The following SHC3 variants were observed in gnomAD, a reference collection of about 807,000 sequenced individuals.
The protein encoded by SHC3 is SHC-transforming protein 3.
Under a neutral mutation model 60.4 loss-of-function variants are expected in SHC3, and 15 were observed. The ratio of observed to expected loss-of-function variants is 0.25; its 90% CI spans 0.17 to 0.38. The LOEUF (loss-of-function observed/expected upper bound fraction) is 0.38, where lower values mean the gene tolerates loss of function less well. SHC3 is among the 10% of genes least tolerant of loss of function. The pLI is 1.00. For missense variants in SHC3, 677 were observed against 786.1 expected (o/e 0.86, Z 1.66); for synonymous variants, 294 against 325.9 (o/e 0.90, Z 1.05).
At chr9:89,088,202 G>C (rs1031702236) in intron 2 of SHC3, among the ~76,000 whole-genome samples, 2 of 152,088 alleles carry the variant, frequency 1.3e-5, no homozygotes, top group Admixed American at 6.5e-5. Context: ...TCTTAACCCC[G>C]ACACTCCTTT....
At chr9:89,124,144 C>A (rs1191518728) in intron 1 of SHC3, among the ~76,000 whole-genome samples, 1 of 151,704 alleles carries the variant, frequency 6.6e-6, no homozygotes, top group East Asian at 1.9e-4. Context: ...AATGAGATAC[C>A]ATCTCATGCC....
chr9:89,100,574 A>G (rs975568805), intron 2 of SHC3, among the ~76,000 whole-genome samples: 2 of 152,164 alleles, frequency 1.3e-5, no homozygotes, highest in African/African-American at 4.8e-5. Flanking sequence ...CTATCATCAA[A>G]TCAAGAGATA....
chr9:89,070,339 C>G (rs1825250716), intron 5 of SHC3, among the ~76,000 whole-genome samples: 1 of 152,228 alleles, frequency 6.6e-6, no homozygotes, highest in African/African-American at 2.4e-5. Flanking sequence ...TCTTCCCTCT[C>G]CCTTCTGGAA....
intron 6 of SHC3, among the ~76,000 whole-genome samples, chr9:89,061,986 A>G (rs1476183698): frequency 6.6e-6 from 1 of 152,222 alleles, no homozygotes; most frequent in Non-Finnish European, 1.5e-5. Flanking sequence ...ACTACTATAT[A>G]GGAAACAACT....
chr9:89,127,316 C>A (rs1320155752), intron 1 of SHC3, among the ~76,000 whole-genome samples: 1 of 152,056 alleles, frequency 6.6e-6, no homozygotes, highest in Non-Finnish European at 1.5e-5. Context: ...AGTTCAAAAG[C>A]CAGAAATATT....
intron 2 of SHC3, among the ~76,000 whole-genome samples, chr9:89,096,526 G>A (rs1340015319): frequency 2.8e-4 from 42 of 152,212 alleles, no homozygotes; most frequent in Admixed American, 2.7e-3. Context: ...AAGGGCACGA[G>A]ATTTTTGTAT....
intron 2 of SHC3, among the ~76,000 whole-genome samples, chr9:89,104,460 A>ATTC (rs1825827959): frequency 6.6e-6 from 1 of 152,222 alleles, no homozygotes; most frequent in Non-Finnish European, 1.5e-5. Context: ...CCACTATTCT[A>ATTC]AAAAATGAAA....
At chr9:89,149,671 T>C (rs921764615) in intron 1 of SHC3, among the ~76,000 whole-genome samples, 8 of 152,254 alleles carry the variant, frequency 5.3e-5, no homozygotes, top group Admixed American at 2.6e-4. Flanking sequence ...TATTGAGGTA[T>C]AATTCACATG....
chr9:89,148,184 A>G (rs1480170372), intron 1 of SHC3, among the ~76,000 whole-genome samples: 7 of 152,122 alleles, frequency 4.6e-5, no homozygotes, highest in Non-Finnish European at 8.8e-5. Flanking sequence ...GAACTTGAAC[A>G]TTGTCTGATT....
At chr9:89,172,566 C>G (rs1028710859) in intron 1 of SHC3, among the ~76,000 whole-genome samples, 1 of 123,150 alleles carries the variant, frequency 8.1e-6, no homozygotes, top group African/African-American at 3.1e-5. Flanking sequence ...CACACAGACA[C>G]ACACACACAG....
At chr9:89,175,720 A>G (rs1025349288) in intron 1 of SHC3, among the ~76,000 whole-genome samples, 3 of 152,252 alleles carry the variant, frequency 2.0e-5, no homozygotes, top group African/African-American at 4.8e-5. Flanking sequence ...ATATTTTACT[A>G]TTGGTATCTA....
At chr9:89,049,998 C>T (rs945564334) in intron 7 of SHC3, among the ~76,000 whole-genome samples, 1 of 152,186 alleles carries the variant, frequency 6.6e-6, no homozygotes, top group African/African-American at 2.4e-5. Context: ...TTTAATTCGG[C>T]TGAAATTTTT....
chr9:89,156,407 G>A (rs971998888), intron 1 of SHC3, among the ~76,000 whole-genome samples: 7 of 152,090 alleles, frequency 4.6e-5, no homozygotes, highest in Non-Finnish European at 1.5e-5. Context: ...AAACATCATA[G>A]ATATGATTAA....
intron 1 of SHC3, among the ~76,000 whole-genome samples, chr9:89,116,880 C>A (rs77611942): frequency 0.018 from 2,722 of 152,128 alleles, 40 homozygotes; most frequent in Middle Eastern, 0.068. Context: ...AGCACAGAAT[C>A]AAGGAAATGC....
At chr9:89,089,140 A>G (rs1825580498) in intron 2 of SHC3, among the ~76,000 whole-genome samples, 1 of 152,154 alleles carries the variant, frequency 6.6e-6, no homozygotes, top group Admixed American at 6.5e-5. Context: ...TGTCCATTCC[A>G]GGGCAGTTCT....
intron 1 of SHC3, among the ~76,000 whole-genome samples, chr9:89,162,824 A>C (rs1826729600): frequency 1.3e-5 from 2 of 148,602 alleles, no homozygotes; most frequent in Admixed American, 1.3e-4. Context: ...AAATGGGAGA[A>C]AATTTTCGCA....
intron 1 of SHC3, among the ~76,000 whole-genome samples, chr9:89,148,385 C>T (rs1406891885): frequency 6.6e-6 from 1 of 152,192 alleles, no homozygotes; most frequent in Non-Finnish European, 1.5e-5. Context: ...TTATAACCTC[C>T]TGTGACTCTG....
chr9:89,111,230 G>T (rs1382375028), intron 2 of SHC3, among the ~76,000 whole-genome samples: 4 of 152,138 alleles, frequency 2.6e-5, no homozygotes, highest in Non-Finnish European at 4.4e-5. Context: ...CAGTAGGAAT[G>T]GTTGACAGTT....
chr9:89,153,964 A>T (rs1826584742), intron 1 of SHC3, among the ~76,000 whole-genome samples: 1 of 152,096 alleles, frequency 6.6e-6, no homozygotes, highest in South Asian at 2.1e-4. Context: ...CGACCTTATA[A>T]ACAGAGTGCT....
Sources: gnomAD v4.1 joint callset for allele counts (sites outside exome capture counted in the v4.1 genomes callset) on GRCh38, gnomAD v4.1.1 for gene constraint, MANE v1.5 for transcripts, NCBI Gene and HGNC (gene_info 2026-07-23, HGNC 2026-07-21) for gene names.